The following AFDN variants were observed in gnomAD, a reference collection of about 807,000 sequenced individuals.
The protein encoded by AFDN is afadin, adherens junction formation factor, also known as afadin.
Under a neutral mutation model 216.6 loss-of-function variants are expected in AFDN, and 68 were observed. The ratio of observed to expected loss-of-function variants is 0.31; its 90% confidence interval spans 0.26 to 0.38. The LOEUF (loss-of-function observed/expected upper bound fraction) is 0.38. Ranked by LOEUF, AFDN falls within the 10% of genes least tolerant of loss-of-function variation. AFDN has a pLI of 1.00. For synonymous variants in AFDN, 868 were observed against 853.7 expected, an observed-to-expected ratio of 1.02 and a Z score of -0.29; for missense variants, 2,136 against 2,342.0, an observed-to-expected ratio of 0.91 and a Z score of 1.82.
In AFDN at chr6:167,896,868, C is replaced by G. The variant is rs1258410653; in HGVS notation, c.1223-10C>G. ...TTGCAAATAGAGCTGTCTTCCTTCT[C>G]TTCTCACAGATGGTTCTGACTCTAG... On this transcript the variant is annotated splice_polypyrimidine_tract_variant and intron_variant, in intron 9 of 33. Coordinates refer to ENST00000683244, the MANE Select transcript of AFDN (RefSeq NM_001386888.1). 6.3e-7 allele frequency: 1 copy of G among 1,580,470 alleles called. No homozygotes were observed. Among genetic ancestry groups the G allele is most frequent in the East Asian group, 2.2e-5 (1 of 44,662 alleles).
At chr6:167,896,755 T>C (rs643584) in intron 9 of AFDN, 123 bp from the exon 10 acceptor site, 381,227 of 551,532 alleles carry the variant, frequency 0.69, 133,591 homozygotes, top group East Asian at 0.86. Flanking sequence ...TTGGAGAATT[T>C]TTTGAAAAGA....
At chr6:167,848,241 C>A (rs182567802) in intron 1 of AFDN, among the ~76,000 whole-genome samples, 84 of 152,312 alleles carry the variant, frequency 5.5e-4, no homozygotes, top group Admixed American at 4.6e-3. Context: ...TCAGGCATTA[C>A]AACCAGTCTC....
chr6:167,943,116 G>C lies in AFDN; in HGVS notation c.3100-13G>C. 1 of 1,611,942 alleles carries C rather than the reference G, an allele frequency of 6.2e-7. No individual in the cohort carries two copies. The highest frequency in any genetic ancestry group is 1.7e-4 in the Middle Eastern group (1 of 6,056). On this transcript the variant is annotated splice_polypyrimidine_tract_variant and intron_variant, in intron 23 of 33. Transcript: ENST00000683244. ...ATCTTCAATGCAGTGTTTTCGCCTT[G>C]TTTTTGCAATAGGGTGCTGGTCAAG...
chr6:167,918,948 A>G lies in AFDN; in HGVS notation c.2908+15A>G. The G allele has an allele frequency of 6.2e-7, 1 of 1,607,140 alleles. No homozygotes were observed. Among genetic ancestry groups the G allele is most frequent in the Non-Finnish European group, 8.5e-7 (1 of 1,174,822 alleles). ...GTGCCAGAGAGGTAAATTAGTCTAA[A>G]TGCCTGAGTCTGAGCTACGCCCCAG... On this transcript the variant is annotated intron_variant, in intron 21 of 33. Coordinates refer to ENST00000683244, the MANE Select transcript of AFDN (RefSeq NM_001386888.1).
chr6:167,948,400 T>C lies in AFDN; in HGVS notation c.3753T>C (p.Pro1251=). The C allele has an allele frequency of 6.2e-7, 1 of 1,614,154 alleles. No homozygotes were observed. Among genetic ancestry groups the C allele is most frequent in the Non-Finnish European group, 8.5e-7 (1 of 1,180,036 alleles). ...CCAAATCCCAGGATCGGATGGCTCC[T>C]CCTCAGAACCAGTGGCCAAATTATG... ...PASKSQDRMA[P]PQNQWPNYEE... The change falls in exon 29 of 34, where the codon CCT becomes CCC. Residue 1251 remains proline, a synonymous_variant. Coordinates refer to ENST00000683244, the MANE Select transcript of AFDN (RefSeq NM_001386888.1).
intron 6 of AFDN, among the ~76,000 whole-genome samples, chr6:167,881,997 T>C (rs974218666): frequency 2.6e-5 from 4 of 152,162 alleles, no homozygotes; most frequent in Non-Finnish European, 5.9e-5. Flanking sequence ...CAAATGTTGA[T>C]AGCCAAGGTT....
At chr6:167,828,342 G>C (rs1261203722) in intron 1 of AFDN, among the ~76,000 whole-genome samples, 1 of 152,162 alleles carries the variant, frequency 6.6e-6, no homozygotes, top group Non-Finnish European at 1.5e-5. Context: ...GAGAGAATTT[G>C]ACTATTGCTT....
At chr6:167,863,816 C>G (rs767717291) in intron 1 of AFDN, 1 of 518,526 alleles carries the variant, frequency 1.9e-6, no homozygotes, top group East Asian at 5.4e-5. Flanking sequence ...GATTTTGAGA[C>G]AAATCTAAAA....
At position 167,946,693 on chromosome 6, in the gene AFDN, T is replaced by C; in HGVS notation, c.3359-14T>C. 1 of 1,610,916 alleles carries C rather than the reference T, an allele frequency of 6.2e-7. No individual in the cohort carries two copies. The highest frequency in any genetic ancestry group is 1.3e-5 in the African/African-American group (1 of 74,960). On this transcript the variant is annotated splice_polypyrimidine_tract_variant and intron_variant, in intron 26 of 33. Transcript: ENST00000683244. ...ATAAAATCTTAAGAGATACTGAATA[T>C]GCTTTGATTCCAGTTTCAGATCGTC...
At chr6:167,880,622 G>T in intron 6 of AFDN, 105 bp downstream of exon 6, 1 of 1,132,836 alleles carries the variant, frequency 8.8e-7, no homozygotes, top group Non-Finnish European at 1.3e-6. Context: ...ATATCATTTA[G>T]AATCTGATAA....
intron 19 of AFDN, 105 bp from the exon 20 acceptor site, chr6:167,916,984 A>G: frequency 2.0e-6 from 2 of 1,023,516 alleles, no homozygotes; most frequent in Admixed American, 2.9e-5. Context: ...CTGCATTTCA[A>G]AGTTAAATTA....
chr6:167,832,274 A>G (rs1002514173), intron 1 of AFDN, among the ~76,000 whole-genome samples: 13 of 152,170 alleles, frequency 8.5e-5, no homozygotes, highest in Non-Finnish European at 1.9e-4. Context: ...GGCCTGAAAA[A>G]TCTACCGGTG....
At chr6:167,840,021 TGTG>T (rs975811453) in intron 1 of AFDN, among the ~76,000 whole-genome samples, 9 of 152,010 alleles carry the variant, frequency 5.9e-5, no homozygotes, top group African/African-American at 2.2e-4. Flanking sequence ...AGAATCTCAT[TGTG>T]GTGGAAGACA....
intron 1 of AFDN, among the ~76,000 whole-genome samples, chr6:167,828,614 C>G (rs970372107): frequency 2.0e-5 from 3 of 152,156 alleles, no homozygotes; most frequent in African/African-American, 7.2e-5. Flanking sequence ...AGTGTTCGTT[C>G]ATAGACTAGT....
intron 12 of AFDN, among the ~76,000 whole-genome samples, chr6:167,904,419 A>T (rs1475678766): frequency 1.3e-5 from 2 of 152,104 alleles, no homozygotes; most frequent in Non-Finnish European, 2.9e-5. Context: ...CATGTTGCCC[A>T]GGCTGGTCTT....
At chr6:167,902,220 C>A in intron 11 of AFDN, 97 bp from the exon 12 acceptor site, 1 of 844,892 alleles carries the variant, frequency 1.2e-6, no homozygotes, top group Non-Finnish European at 1.9e-6. Context: ...AAATCTTTGA[C>A]ATTTGGTATT....
intron 18 of AFDN, among the ~76,000 whole-genome samples, 171 bp downstream of exon 18, chr6:167,914,909 C>G (rs1790849008): frequency 6.6e-6 from 1 of 152,108 alleles, no homozygotes; most frequent in Non-Finnish European, 1.5e-5. Flanking sequence ...ACAGATAGTT[C>G]TCATTTTGGT....
intron 6 of AFDN, among the ~76,000 whole-genome samples, chr6:167,885,735 C>T (rs1447144188): frequency 2.0e-5 from 3 of 152,232 alleles, no homozygotes; most frequent in Non-Finnish European, 4.4e-5. Flanking sequence ...CATCAGTAGG[C>T]GTGCTCAACG....
At chr6:167,966,102 C>T (rs992929923) in intron 32 of AFDN, 57 bp downstream of exon 32, 7 of 1,536,826 alleles carry the variant, frequency 4.6e-6, no homozygotes, top group East Asian at 2.4e-5. Flanking sequence ...TCCTGCCCCT[C>T]TTAAACCACG....
Sources: gnomAD v4.1 joint callset for allele counts (sites outside exome capture counted in the v4.1 genomes callset) on GRCh38, gnomAD v4.1.1 for gene constraint, MANE v1.5 for transcripts, NCBI Gene and HGNC (gene_info 2026-07-23, HGNC 2026-07-21) for gene names.